BBX: variants seen among roughly 807,000 people sequenced by gnomAD.
BBX encodes HMG box transcription factor BBX.
In BBX, 30 loss-of-function variants were observed where a neutral mutation model predicts 100.2. The ratio of observed to expected loss-of-function variants is 0.30; its 90% CI spans 0.22 to 0.41. BBX has a LOEUF of 0.41. BBX is among the 10% of genes least tolerant of loss of function. The probability of loss-of-function intolerance (pLI) is 1.00; values close to 1 mark genes in which losing one functional copy is unlikely to be tolerated. For synonymous variants in BBX, 376 were observed against 388.1 expected (o/e 0.97, Z 0.37); for missense variants, 1,023 against 1,129.8 (o/e 0.91, Z 1.35).
intron 2 of BBX, among the ~76,000 whole-genome samples, chr3:107,570,021 G>A (rs552677711): frequency 3.3e-5 from 5 of 152,122 alleles, no homozygotes; most frequent in Admixed American, 1.3e-4. Context: ...GTGGGGTCCC[G>A]TACAGATAGA....
At chr3:107,566,930 A>G (rs975221212) in intron 2 of BBX, among the ~76,000 whole-genome samples, 3 of 152,160 alleles carry the variant, frequency 2.0e-5, no homozygotes, top group East Asian at 3.9e-4. Context: ...ACTGTTTCCT[A>G]TGAGTACCAT....
intron 2 of BBX, among the ~76,000 whole-genome samples, chr3:107,631,803 T>G (rs1373019811): frequency 1.3e-5 from 2 of 152,240 alleles, no homozygotes; most frequent in Non-Finnish European, 2.9e-5. Context: ...GTCTAAGAAA[T>G]GTAAAATTGA....
Position 107,716,751 on chromosome 3 carries a change from C to T in BBX, c.307C>T (p.Pro103Ser). The T allele has an allele frequency of 6.2e-7, 1 of 1,613,724 alleles. No homozygotes were observed. The highest frequency in any genetic ancestry group is 8.5e-7 in the Non-Finnish European group (1 of 1,179,778). Residue 103 changes from proline to serine, a missense_variant, in exon 5 of 18, where the codon CCC (proline) becomes TCC (serine). By Grantham distance (74) the Pro-to-Ser change is moderately conservative. Coordinates refer to ENST00000325805, the MANE Select transcript of BBX (RefSeq NM_001142568.3). Reference protein sequence around the residue: ...RHRSLVRQEHPRLDNRGATKI... With the variant: ...RHRSLVRQEHSRLDNRGATKI... ...TCGCTCTCTTGTACGTCAGGAACACCCCAGGCTTGATAACCGAGGTGCTAC... is the reference window on the plus strand; with the variant it reads ...TCGCTCTCTTGTACGTCAGGAACACTCCAGGCTTGATAACCGAGGTGCTAC...
At chr3:107,563,990 T>TA (rs1257606424) in intron 2 of BBX, among the ~76,000 whole-genome samples, 3 of 152,230 alleles carry the variant, frequency 2.0e-5, no homozygotes, top group African/African-American at 7.2e-5. Context: ...TTTGCGTACT[T>TA]ACCTGTGGTT....
chr3:107,558,170 G>C (rs1029294885), intron 2 of BBX, among the ~76,000 whole-genome samples: 1 of 152,158 alleles, frequency 6.6e-6, no homozygotes, highest in African/African-American at 2.4e-5. Flanking sequence ...AGTGTGAATG[G>C]CACCTTAGAG....
At chr3:107,607,199 C>T (rs1387983095) in intron 2 of BBX, among the ~76,000 whole-genome samples, 4 of 152,112 alleles carry the variant, frequency 2.6e-5, no homozygotes, top group Non-Finnish European at 5.9e-5. Flanking sequence ...TGGGTTCAGG[C>T]AATTCTCCTG....
chr3:107,726,959 A>G (rs2062990868), intron 5 of BBX, among the ~76,000 whole-genome samples: 1 of 152,014 alleles, frequency 6.6e-6, no homozygotes, highest in Non-Finnish European at 1.5e-5. Context: ...CCAGCTCCCC[A>G]TTGTAAATTA....
intron 13 of BBX, among the ~76,000 whole-genome samples, chr3:107,780,766 T>C (rs1334928145): frequency 6.6e-6 from 1 of 152,074 alleles, no homozygotes; most frequent in Non-Finnish European, 1.5e-5. Flanking sequence ...TATACTAGAC[T>C]ACAAGTTATT....
At chr3:107,753,476 G>T (rs2065232270) in intron 9 of BBX, among the ~76,000 whole-genome samples, 1 of 152,110 alleles carries the variant, frequency 6.6e-6, no homozygotes, top group Non-Finnish European at 1.5e-5. Context: ...CTGTAAACAG[G>T]TAAAAATCCT....
chr3:107,563,207 G>T (rs1559815079), intron 2 of BBX, among the ~76,000 whole-genome samples: 1 of 152,090 alleles, frequency 6.6e-6, no homozygotes, highest in East Asian at 1.9e-4. Flanking sequence ...GCCCAGTCAG[G>T]GCCTGATTGT....
At chr3:107,733,415 GTC>G (rs1413702182) in intron 7 of BBX, among the ~76,000 whole-genome samples, 6 of 152,194 alleles carry the variant, frequency 3.9e-5, no homozygotes. Flanking sequence ...GCAGCTGTCA[GTC>G]TCTCTGGTAC....
intron 15 of BBX, among the ~76,000 whole-genome samples, chr3:107,792,699 C>G (rs927572910): frequency 3.3e-5 from 5 of 152,126 alleles, no homozygotes; most frequent in African/African-American, 1.2e-4. Context: ...GCATTAAATC[C>G]TAACATCCTC....
chr3:107,623,659 G>T (rs2055948863), intron 2 of BBX, among the ~76,000 whole-genome samples: 2 of 152,080 alleles, frequency 1.3e-5, no homozygotes, highest in South Asian at 4.1e-4. Flanking sequence ...TTTAAGAAAA[G>T]GAATAGAAAG....
intron 10 of BBX, among the ~76,000 whole-genome samples, chr3:107,770,702 C>T (rs2066837481): frequency 6.6e-6 from 1 of 152,094 alleles, no homozygotes; most frequent in East Asian, 1.9e-4. Flanking sequence ...GTTGTGAATC[C>T]TTAATATTTC....
intron 2 of BBX, among the ~76,000 whole-genome samples, chr3:107,613,362 A>G (rs780306748): frequency 2.0e-5 from 3 of 147,488 alleles, no homozygotes; most frequent in Admixed American, 6.8e-5. Context: ...AATTTTGGCT[A>G]TTTCTTTTAT....
intron 2 of BBX, among the ~76,000 whole-genome samples, chr3:107,594,449 G>A (rs1041358341): frequency 6.6e-6 from 1 of 152,174 alleles, no homozygotes; most frequent in African/African-American, 2.4e-5. Flanking sequence ...TGTAGACAAG[G>A]TTGGTGACGG....
chr3:107,699,221 C>T (rs192033670), intron 3 of BBX, among the ~76,000 whole-genome samples: 5 of 151,740 alleles, frequency 3.3e-5, no homozygotes, highest in East Asian at 1.9e-4. Flanking sequence ...CCAGAAGTGG[C>T]GTGAGGTGAG....
rs115910978 is a variant in BBX at position 107,782,855 on chromosome 3, G to A, written c.2203+4336G>A. On this transcript the variant is annotated intron_variant, in intron 13 of 17. Transcript: ENST00000325805. ...ATTTTTTTTTCATAAGGAAGCTGAA[G>A]CTGATGCAGATATTCCCTCAAGAAA... Among the ~76,000 whole-genome samples, 355 of 152,132 alleles carry A rather than the reference G, an allele frequency of 2.3e-3. 3 individuals carry two copies. The highest frequency in any genetic ancestry group is 7.4e-3 in the African/African-American group (309 of 41,542).
chr3:107,810,341 G>A lies in BBX; in HGVS notation c.*4884G>A, dbSNP rs2071238443. The A allele has an allele frequency of 6.6e-6, 1 of 152,120 alleles. No individual in the cohort carries two copies. Among genetic ancestry groups the A allele is most frequent in the Non-Finnish European group, 1.5e-5 (1 of 68,038 alleles). The allele number at this position is 152,120 out of a possible 1,614,324, so 9.4% of individuals were successfully genotyped here. On this transcript the variant is annotated 3_prime_UTR_variant, in exon 18 of 18. Coordinates refer to ENST00000325805, the MANE Select transcript of BBX (RefSeq NM_001142568.3). ...GGCTGCTGTTTTCTTTTTGCAGTCA[G>A]TGGTCAAAACTGATCATGTGCTTAA...
Sources: allele counts gnomAD v4.1 joint callset (sites outside exome capture counted in the v4.1 genomes callset), GRCh38; gene constraint gnomAD v4.1.1; transcripts MANE v1.5; gene names NCBI Gene and HGNC (gene_info 2026-07-23, HGNC 2026-07-21).